PTPRN2: variants seen among roughly 807,000 people sequenced by gnomAD.
PTPRN2 encodes protein tyrosine phosphatase receptor type N2, also known as receptor-type tyrosine-protein phosphatase N2.
Under a neutral mutation model 118.8 loss-of-function variants are expected in PTPRN2, and 74 were observed. The observed-to-expected ratio is 0.62, with a 90% CI of 0.52 to 0.76. PTPRN2 has a LOEUF of 0.76. Ranked by LOEUF, PTPRN2 falls within the 30% of genes least tolerant of loss-of-function variation. PTPRN2 has a pLI of 0.00. For missense variants in PTPRN2, 1,481 were observed against 1,394.4 expected, an observed-to-expected ratio of 1.06 and a Z score of -0.99; for synonymous variants, 641 against 608.0, an observed-to-expected ratio of 1.05 and a Z score of -0.80.
At chr7:158,040,157 A>C (rs142601534) in intron 11 of PTPRN2, among the ~76,000 whole-genome samples, 1 of 152,380 alleles carries the variant, frequency 6.6e-6, no homozygotes, top group East Asian at 1.9e-4. Context: ...CATAATAGGA[A>C]TACCAGGAAG....
rs547325968 is a variant in PTPRN2 at position 158,085,968 on chromosome 7, C to T, written c.1644-4591G>A. 1.8e-3 allele frequency among the ~76,000 whole-genome samples: 276 copies of T among 151,954 alleles called. 2 individuals carry two copies. Among genetic ancestry groups the T allele is most frequent in the South Asian group, 0.011 (55 of 4,790 alleles). ...CATACACGACGCCCATCCACACACA[C>T]GACGCCCATCCACATGGGTGTTTTC... On this transcript the variant is annotated intron_variant, in intron 10 of 22. Coordinates refer to ENST00000389418, the MANE Select transcript of PTPRN2 (RefSeq NM_002847.5).
chr7:157,715,170 C>G (rs374875674), intron 12 of PTPRN2, among the ~76,000 whole-genome samples: 2 of 152,130 alleles, frequency 1.3e-5, no homozygotes, highest in Admixed American at 6.5e-5. Flanking sequence ...AGAAAAGCAC[C>G]CCCTGCAGGG....
intron 9 of PTPRN2, among the ~76,000 whole-genome samples, chr7:158,117,305 T>C (rs1816808363): frequency 2.0e-5 from 3 of 151,992 alleles, no homozygotes; most frequent in Admixed American, 2.0e-4. Flanking sequence ...CAAAGGCAGA[T>C]TTGAGCAAGA....
chr7:158,367,641 T>C (rs1041647774), intron 2 of PTPRN2, among the ~76,000 whole-genome samples: 1 of 152,178 alleles, frequency 6.6e-6, no homozygotes, highest in African/African-American at 2.4e-5. Context: ...CATTCTGTCC[T>C]TTGGAAATAG....
At chr7:157,981,356 A>C (rs1433102095) in intron 11 of PTPRN2, among the ~76,000 whole-genome samples, 1 of 148,614 alleles carries the variant, frequency 6.7e-6, no homozygotes, top group Non-Finnish European at 1.5e-5. Flanking sequence ...GACAGGTGAA[A>C]CTGCTCAAAC....
chr7:158,557,711 A>G (rs191411804), intron 1 of PTPRN2, among the ~76,000 whole-genome samples: 1 of 152,326 alleles, frequency 6.6e-6, no homozygotes, highest in East Asian at 1.9e-4. Context: ...CTAGTGAGCA[A>G]CCTGGGATGT....
chr7:158,082,932 C>T (rs1812951267), intron 10 of PTPRN2, among the ~76,000 whole-genome samples: 1 of 152,190 alleles, frequency 6.6e-6, no homozygotes, highest in South Asian at 2.1e-4. Flanking sequence ...CTCGGCTGGG[C>T]CCTCTGCTGG....
At position 157,851,857 on chromosome 7, in the gene PTPRN2, C is replaced by T. The variant is rs183157160; in HGVS notation, c.1788+46816G>A. Among the ~76,000 whole-genome samples, 272 of 152,358 alleles carry T rather than the reference C, an allele frequency of 1.8e-3. 2 individuals carry two copies. The highest frequency in any genetic ancestry group is 6.2e-3 in the African/African-American group (258 of 41,594). ...GTTTCTCTTTGGCACAAAGCCTCAG[C>T]GCTCCCGCGCCTGCCCTACCACTGA... On this transcript the variant is annotated intron_variant, in intron 12 of 22. Coordinates refer to ENST00000389418, the MANE Select transcript of PTPRN2 (RefSeq NM_002847.5).
chr7:158,218,323 T>C (rs1233474841), intron 3 of PTPRN2, among the ~76,000 whole-genome samples: 1 of 152,094 alleles, frequency 6.6e-6, no homozygotes. Flanking sequence ...CAATCAAGGA[T>C]TTCATATCCC....
At chr7:158,486,519 T>C (rs908763764) in intron 2 of PTPRN2, among the ~76,000 whole-genome samples, 3 of 152,252 alleles carry the variant, frequency 2.0e-5, no homozygotes, top group African/African-American at 7.2e-5. Flanking sequence ...TTCTACAAGC[T>C]GTTCCAGGAT....
chr7:157,923,747 G>T (rs1798816922), intron 11 of PTPRN2, among the ~76,000 whole-genome samples: 1 of 152,170 alleles, frequency 6.6e-6, no homozygotes, highest in South Asian at 2.1e-4. Flanking sequence ...GAGATAAAGA[G>T]AAATCTCTGC....
At chr7:158,125,507 CCTT>C (rs913510365) in intron 9 of PTPRN2, among the ~76,000 whole-genome samples, 1 of 152,220 alleles carries the variant, frequency 6.6e-6, no homozygotes, top group African/African-American at 2.4e-5. Flanking sequence ...CCATGCCACT[CCTT>C]CTCGCCTTCT....
intron 1 of PTPRN2, among the ~76,000 whole-genome samples, chr7:158,493,843 A>C (rs1821629350): frequency 6.6e-6 from 1 of 151,568 alleles, no homozygotes; most frequent in African/African-American, 2.4e-5. Context: ...ACACACATGC[A>C]CACACTCATA....
chr7:158,303,733 G>A (rs1401508891), intron 3 of PTPRN2, among the ~76,000 whole-genome samples: 1 of 152,228 alleles, frequency 6.6e-6, no homozygotes, highest in Non-Finnish European at 1.5e-5. Flanking sequence ...CTGATGGCAG[G>A]CCTCATATGA....
At chr7:157,586,281 G>A (rs773840088) in intron 17 of PTPRN2, among the ~76,000 whole-genome samples, 5 of 152,050 alleles carry the variant, frequency 3.3e-5, no homozygotes, top group Admixed American at 6.6e-5. Context: ...CATCTGTGAC[G>A]TAGCAGCCTC....
intron 21 of PTPRN2, among the ~76,000 whole-genome samples, chr7:157,556,288 A>G (rs917285992): frequency 1.4e-5 from 2 of 143,144 alleles, no homozygotes; most frequent in African/African-American, 5.1e-5. Context: ...ATGCACACAC[A>G]CAGAGGCATG....
At chr7:157,788,515 C>T (rs1377550897) in intron 12 of PTPRN2, among the ~76,000 whole-genome samples, 2 of 152,216 alleles carry the variant, frequency 1.3e-5, no homozygotes, top group South Asian at 2.1e-4. Context: ...TCTCCACAGG[C>T]CTCCACGGGG....
chr7:158,264,034 C>A (rs569418207), intron 3 of PTPRN2, among the ~76,000 whole-genome samples: 3 of 152,228 alleles, frequency 2.0e-5, no homozygotes, highest in Admixed American at 2.0e-4. Context: ...ACGCTTCCCA[C>A]CTTCATCTTC....
At chr7:158,181,189 T>C (rs2335839) in intron 5 of PTPRN2, among the ~76,000 whole-genome samples, 97,198 of 152,058 alleles carry the variant, frequency 0.64, 31,896 homozygotes, top group East Asian at 0.84. Flanking sequence ...CTGCATCTAT[T>C]GAGATAATCG....
Sources: gnomAD v4.1 joint callset for allele counts (sites outside exome capture counted in the v4.1 genomes callset) on GRCh38, gnomAD v4.1.1 for gene constraint, MANE v1.5 for transcripts, NCBI Gene and HGNC (gene_info 2026-07-23, HGNC 2026-07-21) for gene names.